SLC24A2: variants seen among roughly 807,000 people sequenced by gnomAD.
SLC24A2 encodes solute carrier family 24 member 2.
SLC24A2 carries 36 observed loss-of-function variants against 62.0 expected under a neutral mutation model. The observed-to-expected ratio is 0.58, with a 90% CI of 0.44 to 0.77. The LOEUF (loss-of-function observed/expected upper bound fraction) is 0.77, where lower values mean the gene tolerates loss of function less well. Among genes scored for constraint, SLC24A2 ranks in the 30% least tolerant of loss-of-function variants. SLC24A2 has a pLI of 0.00. For synonymous variants in SLC24A2, 358 were observed against 294.0 expected (o/e 1.22, Z -2.23); for missense variants, 846 against 817.9 (o/e 1.03, Z -0.42).
At chr9:19,653,643 T>A (rs890548108) in intron 2 of SLC24A2, among the ~76,000 whole-genome samples, 16 of 152,162 alleles carry the variant, frequency 1.1e-4, no homozygotes, top group Admixed American at 3.9e-4. Flanking sequence ...GAGCTTGGAG[T>A]TGAGTTTAGA....
chr9:19,610,520 G>C (rs1014290665), intron 4 of SLC24A2, among the ~76,000 whole-genome samples: 2 of 152,244 alleles, frequency 1.3e-5, no homozygotes, highest in Admixed American at 1.3e-4. Context: ...TTGGATGGAA[G>C]AGAGGAACAA....
chr9:19,692,429 T>C (rs933613183), intron 2 of SLC24A2, among the ~76,000 whole-genome samples: 2 of 152,178 alleles, frequency 1.3e-5, no homozygotes, highest in East Asian at 3.8e-4. Context: ...TGTTTGAAGA[T>C]GGACTGTAAT....
chr9:20,042,301 A>G, the SLC24A2 span, among the ~76,000 whole-genome samples: 1 of 152,354 alleles, frequency 6.6e-6, no homozygotes, highest in East Asian at 1.9e-4. Flanking sequence ...TACAGTCACA[A>G]GAGAGAAATC....
intron 2 of SLC24A2, among the ~76,000 whole-genome samples, chr9:19,694,824 C>A (rs1053026757): frequency 4.6e-5 from 7 of 152,126 alleles, no homozygotes; most frequent in Non-Finnish European, 1.5e-5. Context: ...GAGGCTTGGA[C>A]TCAGAGATAC....
intron 4 of SLC24A2, among the ~76,000 whole-genome samples, chr9:19,615,996 A>G (rs1376096004): frequency 9.7e-4 from 11 of 11,364 alleles, no homozygotes; most frequent in African/African-American, 1.9e-3. Flanking sequence ...ACAGGCGTGC[A>G]CACACACACA....
At position 19,632,610 on chromosome 9, in the gene SLC24A2, G is replaced by C. The variant is rs954333341; in HGVS notation, c.931-10311C>G. Among the ~76,000 whole-genome samples, 3 of 152,160 alleles carry C rather than the reference G, an allele frequency of 2.0e-5. No individual in the cohort carries two copies. Among genetic ancestry groups the C allele is most frequent in the Admixed American group, 2.0e-4 (3 of 15,270 alleles). On this transcript the variant is annotated intron_variant, in intron 2 of 10. Transcript: ENST00000341998. This position sits in a 1 kb window ranked among gnomAD's most constrained non-coding sequence, Gnocchi z 4.5. ...GCTCATTCATAATCTTAGGTGGCAGGTATTATTAGGAAACATTTTTAATAA... is the reference window on the plus strand; with the variant it reads ...GCTCATTCATAATCTTAGGTGGCAGCTATTATTAGGAAACATTTTTAATAA...
chr9:20,169,660 T>G, the SLC24A2 span, among the ~76,000 whole-genome samples: 1 of 151,808 alleles, frequency 6.6e-6, no homozygotes, highest in African/African-American at 2.4e-5. Flanking sequence ...GAACACCCCA[T>G]GAAACAAAAG....
chr9:19,666,566 CTGTT>C (rs1315647343), intron 2 of SLC24A2, among the ~76,000 whole-genome samples: 1 of 152,170 alleles, frequency 6.6e-6, no homozygotes, highest in African/African-American at 2.4e-5. Flanking sequence ...CTAGTTCTGT[CTGTT>C]TGTGCAACTA....
chr9:20,182,510 T>A, the SLC24A2 span, among the ~76,000 whole-genome samples: 1 of 152,150 alleles, frequency 6.6e-6, no homozygotes. Flanking sequence ...CTGGAAACCA[T>A]CATTCTCAGC....
chr9:20,051,008 A>G, the SLC24A2 span, among the ~76,000 whole-genome samples: 1 of 152,228 alleles, frequency 6.6e-6, no homozygotes, highest in Non-Finnish European at 1.5e-5. Flanking sequence ...TAGAAGGTAC[A>G]TAGTGAGATG....
the SLC24A2 span, among the ~76,000 whole-genome samples, chr9:20,054,553 C>A: frequency 6.6e-6 from 1 of 152,244 alleles, no homozygotes; most frequent in Non-Finnish European, 1.5e-5. Flanking sequence ...CACTGGTACC[C>A]AAAGTGTAGT....
the SLC24A2 span, among the ~76,000 whole-genome samples, chr9:20,029,331 C>G: frequency 2.6e-5 from 4 of 152,334 alleles, no homozygotes; most frequent in Middle Eastern, 6.8e-3. Context: ...TTCCAACTTT[C>G]AGTAGGTGCT....
At chr9:20,060,050 C>T in the SLC24A2 span, among the ~76,000 whole-genome samples, 1 of 151,908 alleles carries the variant, frequency 6.6e-6, no homozygotes, top group Non-Finnish European at 1.5e-5. Context: ...GTTGGATAAC[C>T]TAGATGAAAT....
chr9:19,906,241 G>A, the SLC24A2 span, among the ~76,000 whole-genome samples: 8 of 152,050 alleles, frequency 5.3e-5, no homozygotes, highest in East Asian at 1.2e-3. Flanking sequence ...GGTACATAAC[G>A]AAATGAAGGC....
At chr9:20,105,851 G>A in the SLC24A2 span, among the ~76,000 whole-genome samples, 1 of 152,030 alleles carries the variant, frequency 6.6e-6, no homozygotes, top group Admixed American at 6.6e-5. Flanking sequence ...TAAAATCAGA[G>A]CAGAACTGAA....
At chr9:20,215,785 G>T in the SLC24A2 span, among the ~76,000 whole-genome samples, 1 of 151,746 alleles carries the variant, frequency 6.6e-6, no homozygotes, top group Non-Finnish European at 1.5e-5. Flanking sequence ...AACCCATGAT[G>T]CAGGCTGGGC....
At chr9:20,299,688 A>T in the SLC24A2 span, among the ~76,000 whole-genome samples, 1 of 152,172 alleles carries the variant, frequency 6.6e-6, no homozygotes, top group Non-Finnish European at 1.5e-5. Flanking sequence ...CTAGGACCAA[A>T]TTCAGGTTTA....
At chr9:20,213,361 T>G in the SLC24A2 span, among the ~76,000 whole-genome samples, 2 of 151,720 alleles carry the variant, frequency 1.3e-5, no homozygotes, top group Non-Finnish European at 2.9e-5. Flanking sequence ...TTCTTAAATG[T>G]TTTCATTATT....
chr9:19,893,434 C>A, the SLC24A2 span, among the ~76,000 whole-genome samples: 20 of 152,194 alleles, frequency 1.3e-4, no homozygotes. Flanking sequence ...ATTGGTGCAA[C>A]TGTTGGGGAA....
Sources: allele counts gnomAD v4.1 joint callset (sites outside exome capture counted in the v4.1 genomes callset), GRCh38; gene constraint gnomAD v4.1.1; non-coding constraint Gnocchi (gnomAD v3.1); transcripts MANE v1.5; gene names NCBI Gene and HGNC (gene_info 2026-07-23, HGNC 2026-07-21).